The following RELN variants were observed in gnomAD, a reference collection of about 807,000 sequenced individuals.
RELN encodes the protein reelin.
In RELN, 108 loss-of-function variants were observed where a neutral mutation model predicts 427.6. The observed-to-expected ratio is 0.25, with a 90% CI of 0.22 to 0.30. The LOEUF is 0.30. Ranked by LOEUF, RELN falls within the 10% of genes least tolerant of loss-of-function variation. RELN has a pLI of 1.00. For synonymous variants in RELN, 1,524 were observed against 1,513.4 expected, an observed-to-expected ratio of 1.01 and a Z score of -0.16; for missense variants, 3,715 against 4,302.8, an observed-to-expected ratio of 0.86 and a Z score of 3.82.
At chr7:103,699,470 T>C (rs1028746451) in intron 9 of RELN, among the ~76,000 whole-genome samples, 3 of 152,152 alleles carry the variant, frequency 2.0e-5, no homozygotes, top group African/African-American at 7.2e-5. Context: ...GAAATTTGCA[T>C]TGGTTTGGTA....
intron 10 of RELN, among the ~76,000 whole-genome samples, chr7:103,688,484 G>A (rs1017559403): frequency 1.3e-5 from 2 of 152,062 alleles, no homozygotes; most frequent in African/African-American, 4.8e-5. Context: ...GTATTGCTGT[G>A]TCAGGGGGTT....
At chr7:103,830,146 AT>A (rs1367585623) in intron 3 of RELN, among the ~76,000 whole-genome samples, 1 of 152,072 alleles carries the variant, frequency 6.6e-6, no homozygotes, top group Non-Finnish European at 1.5e-5. Context: ...AATGTAAAAA[AT>A]ATCAACAAAA....
chr7:103,575,211 G>A (rs551586371), intron 29 of RELN, among the ~76,000 whole-genome samples: 15 of 152,290 alleles, frequency 9.8e-5, no homozygotes, highest in Non-Finnish European at 1.9e-4. Context: ...ACAGTACTAT[G>A]ACAGAGTTAT....
At position 103,806,590 on chromosome 7, in the gene RELN, G is replaced by T. The variant is rs191411333; in HGVS notation, c.473+26947C>A. On this transcript the variant is annotated intron_variant, in intron 3 of 64. Coordinates refer to ENST00000428762, the MANE Select transcript of RELN (RefSeq NM_005045.4). Reference sequence around the variant, plus strand: ...TCCACCCACCTCAGCTTCCCAAAGTGCTGGGATTACAGGTGTGAGCCACCA... The same window carrying T: ...TCCACCCACCTCAGCTTCCCAAAGTTCTGGGATTACAGGTGTGAGCCACCA... Among the ~76,000 whole-genome samples, 10 of 152,220 alleles carry T rather than the reference G, an allele frequency of 6.6e-5. 1 individual carries two copies. In the East Asian group the frequency reaches 1.9e-3, roughly 29 times the overall value.
At chr7:103,597,848 T>C (rs1007654964) in intron 24 of RELN, among the ~76,000 whole-genome samples, 13 of 152,158 alleles carry the variant, frequency 8.5e-5, no homozygotes, top group African/African-American at 2.9e-4. Context: ...AGGTTTGTCA[T>C]TGTTCCTGTT....
intron 1 of RELN, among the ~76,000 whole-genome samples, chr7:103,918,808 A>G (rs968960436): frequency 3.3e-5 from 5 of 152,180 alleles, no homozygotes; most frequent in African/African-American, 1.2e-4. Flanking sequence ...AAAGTTGGCT[A>G]TTTAAATATG....
chr7:103,594,549 T>TC (rs1562911539), intron 25 of RELN, 57 bp from the exon 26 acceptor site: 5 of 1,548,314 alleles, frequency 3.2e-6, no homozygotes, highest in Non-Finnish European at 3.6e-6. Flanking sequence ...TTTTTTTTTT[T>TC]CAGCTATTAA....
chr7:103,565,928 T>C (rs1227445409), intron 33 of RELN, among the ~76,000 whole-genome samples: 1 of 152,134 alleles, frequency 6.6e-6, no homozygotes, highest in East Asian at 1.9e-4. Context: ...TTTTTAAACA[T>C]AGAGTCTTAA....
intron 2 of RELN, among the ~76,000 whole-genome samples, chr7:103,836,850 T>C (rs1793422250): frequency 6.6e-6 from 1 of 152,198 alleles, no homozygotes. Flanking sequence ...ATATTCTGCT[T>C]CTTAACTTTC....
Position 103,700,972 on chromosome 7 carries a change from G to A in RELN, c.840C>T (p.Pro280=). ...TCTTGGCATATAACACGATGATGCTGGGGTCTGAATAACTAAAGCGACATG... is the reference window on the plus strand; with the variant it reads ...TCTTGGCATATAACACGATGATGCTAGGGTCTGAATAACTAAAGCGACATG... ...SGSCRFSYSD[P]SIIVLYAKNN... The change falls in exon 9 of 65, where the codon CCC becomes CCT. Residue 280 remains proline, a synonymous_variant. Transcript: ENST00000428762. 6.2e-7 allele frequency: 1 copy of A among 1,612,222 alleles called. No homozygotes were observed. The highest frequency in any genetic ancestry group is 8.5e-7 in the Non-Finnish European group (1 of 1,178,440).
chr7:103,775,908 A>G (rs960163000), intron 4 of RELN, among the ~76,000 whole-genome samples: 20 of 152,304 alleles, frequency 1.3e-4, no homozygotes, highest in African/African-American at 4.3e-4. Flanking sequence ...AAAATTCTCT[A>G]TGAAGTGGTA....
At position 103,989,302 on chromosome 7, in the gene RELN, C is replaced by T; in HGVS notation, c.55G>A (p.Ala19Thr). The T allele has an allele frequency of 2.5e-6, 4 of 1,612,446 alleles. No individual in the cohort carries two copies. The highest frequency in any genetic ancestry group is 2.5e-6 in the Non-Finnish European group (3 of 1,179,726). Reference protein sequence around the residue: ...QTFLLALLLGATLRARAAAGY... With the variant: ...QTFLLALLLGTTLRARAAAGY... The stretch of plus-strand genomic sequence containing the variant: ...GCCGCCGCGCGCGCCCTCAGCGTCG[C>T]CCCCAGCAACAGCGCTAGGAGGAAA... The change falls in exon 1 of 65, where the codon GCG (alanine) becomes ACG (threonine). Residue 19 changes from alanine to threonine, a missense_variant. Physicochemically the swap from Ala to Thr is moderately conservative, Grantham distance 58. Coordinates refer to ENST00000428762, the MANE Select transcript of RELN (RefSeq NM_005045.4). This position sits in a 1 kb window ranked among gnomAD's most constrained non-coding sequence, Gnocchi z 4.9.
At chr7:103,851,825 G>A (rs958410296) in intron 2 of RELN, among the ~76,000 whole-genome samples, 2 of 152,136 alleles carry the variant, frequency 1.3e-5, no homozygotes, top group Non-Finnish European at 2.9e-5. Flanking sequence ...AGTTCAAGTA[G>A]GCATTATTCA....
chr7:103,795,179 G>A (rs147620309), intron 3 of RELN, among the ~76,000 whole-genome samples: 374 of 152,160 alleles, frequency 2.5e-3, no homozygotes, highest in African/African-American at 8.5e-3. Flanking sequence ...GCATTGCTTT[G>A]GGCAAAAGAG....
At chr7:103,787,974 A>G (rs1792062421) in intron 3 of RELN, among the ~76,000 whole-genome samples, 1 of 152,176 alleles carries the variant, frequency 6.6e-6, no homozygotes, top group South Asian at 2.1e-4. Context: ...CACATCAAAA[A>G]TCTTATCCAC....
chr7:103,714,025 C>T (rs1020189876), intron 8 of RELN, among the ~76,000 whole-genome samples: 5 of 152,174 alleles, frequency 3.3e-5, no homozygotes, highest in African/African-American at 1.2e-4. Flanking sequence ...GGAATACTAA[C>T]TCATGAACAG....
chr7:103,633,438 GA>G (rs1290073154), intron 19 of RELN, among the ~76,000 whole-genome samples: 1 of 151,662 alleles, frequency 6.6e-6, no homozygotes, highest in Non-Finnish European at 1.5e-5. Context: ...TTGTAAGAGA[GA>G]GGGGGCGGGA....
chr7:103,574,152 T>C lies in RELN; in HGVS notation c.4451A>G (p.Tyr1484Cys). The C allele has an allele frequency of 6.2e-7, 1 of 1,614,106 alleles. No homozygotes were observed. The highest frequency in any genetic ancestry group is 1.3e-5 in the African/African-American group (1 of 75,018). Residue 1484 changes from tyrosine to cysteine, a missense_variant, in exon 30 of 65, where the codon TAC becomes TGC. Coordinates refer to ENST00000428762, the MANE Select transcript of RELN (RefSeq NM_005045.4). The part of the protein sequence containing the change: ...CGTLNDGKSL[Y>C]FNGPGKREAR... ...TTCCCTTTTCCCAGGGCCATTGAAG[T>C]AGAGAGATTTGCCATCGTTAAGTGT...
Position 103,826,319 on chromosome 7 carries a change from AATGTGT to A in RELN, c.473+7212_473+7217del, listed in dbSNP as rs1451225602. On this transcript the variant is annotated intron_variant, in intron 3 of 64. Coordinates refer to ENST00000428762, the MANE Select transcript of RELN (RefSeq NM_005045.4). The stretch of plus-strand genomic sequence containing the variant: ...ACAGAAGCACAAAACAGACTAAGAC[AATGTGT>A]GTGTGTGTGTGTGTGTGTGTGTGTG... Among the ~76,000 whole-genome samples the A allele has an allele frequency of 7.4e-3, 1,015 of 137,530 alleles. 9 individuals carry two copies. The highest frequency in any genetic ancestry group is 0.042 in the East Asian group (189 of 4,540). 90.2% of individuals were successfully genotyped at this position (137,530 alleles called of 152,430 possible).
Sources: allele counts gnomAD v4.1 joint callset (sites outside exome capture counted in the v4.1 genomes callset), GRCh38; gene constraint gnomAD v4.1.1; non-coding constraint Gnocchi (gnomAD v3.1); transcripts MANE v1.5; gene names NCBI Gene and HGNC (gene_info 2026-07-23, HGNC 2026-07-21).